Variants in CNIH3 observed in about 807,000 individuals in gnomAD.
CNIH3 encodes the protein protein cornichon homolog 3.
Under a neutral mutation model 24.1 loss-of-function variants are expected in CNIH3, and 14 were observed. The ratio of observed to expected loss-of-function variants is 0.58; its 90% CI spans 0.38 to 0.91. The LOEUF is 0.91. CNIH3 is among the 40% of genes least tolerant of loss of function. The pLI is 0.00. For synonymous variants in CNIH3, 68 were observed against 73.8 expected (o/e 0.92, Z 0.40); for missense variants, 178 against 196.8 (o/e 0.90, Z 0.57).
intron 3 of CNIH3, among the ~76,000 whole-genome samples, chr1:224,701,332 T>C (rs1184674857): frequency 6.6e-6 from 1 of 152,000 alleles, no homozygotes; most frequent in Non-Finnish European, 1.5e-5. Flanking sequence ...CTCTCACAGC[T>C]CTGGAGGCTG....
At chr1:224,445,964 A>T (rs575865403) in intron 1 of CNIH3, among the ~76,000 whole-genome samples, 2 of 152,154 alleles carry the variant, frequency 1.3e-5, no homozygotes, top group Admixed American at 1.3e-4. Context: ...TTGTTTTTCC[A>T]TGTGAATGTC....
intron 1 of CNIH3, among the ~76,000 whole-genome samples, chr1:224,631,719 A>G (rs1683828683): frequency 6.6e-6 from 1 of 152,126 alleles, no homozygotes; most frequent in Non-Finnish European, 1.5e-5. Flanking sequence ...AGTCTTAGGT[A>G]TATTTTCTGG....
upstream of CNIH3, among the ~76,000 whole-genome samples, chr1:224,515,496 T>C (rs1016413615): frequency 3.3e-5 from 5 of 152,240 alleles, no homozygotes; most frequent in African/African-American, 9.6e-5. Context: ...TTTCAAAGAC[T>C]CTTTTGGTAA....
At chr1:224,645,491 G>A (rs544140926) in intron 1 of CNIH3, among the ~76,000 whole-genome samples, 35 of 152,378 alleles carry the variant, frequency 2.3e-4, no homozygotes, top group East Asian at 5.8e-4. Flanking sequence ...GGTGCCGAGC[G>A]TTTCCAGCCC....
At chr1:224,567,047 A>G (rs905665813) in intron 4 of CNIH3, among the ~76,000 whole-genome samples, 3 of 152,180 alleles carry the variant, frequency 2.0e-5, no homozygotes, top group Non-Finnish European at 2.9e-5. Context: ...CTGACTTTGT[A>G]ATGATCGCCA....
At chr1:224,575,983 A>C (rs1244509571) in intron 4 of CNIH3, among the ~76,000 whole-genome samples, 1 of 152,210 alleles carries the variant, frequency 6.6e-6, no homozygotes, top group Non-Finnish European at 1.5e-5. Flanking sequence ...TATGGATCTT[A>C]CAGCATCCAA....
At chr1:224,677,882 T>C (rs1436860744) in intron 1 of CNIH3, among the ~76,000 whole-genome samples, 1 of 152,210 alleles carries the variant, frequency 6.6e-6, no homozygotes, top group Non-Finnish European at 1.5e-5. Flanking sequence ...CTAACAGTTG[T>C]GGAGTTCTGC....
chr1:224,670,780 G>A (rs2405516), intron 1 of CNIH3, among the ~76,000 whole-genome samples: 15,629 of 152,274 alleles, frequency 0.1, 1,019 homozygotes, highest in East Asian at 0.23. Context: ...CCACTGGCCA[G>A]GGCCCAGCCT....
chr1:224,531,749 T>C (rs905293743), intron 2 of CNIH3, among the ~76,000 whole-genome samples: 4 of 152,200 alleles, frequency 2.6e-5, no homozygotes, highest in African/African-American at 9.6e-5. Context: ...TCTGGACCCA[T>C]CTGTGAGACA....
rs570562166 is a variant in CNIH3 at position 224,670,522 on chromosome 1, CAA to C, written c.82-10435_82-10434del. Among the ~76,000 whole-genome samples the C allele has an allele frequency of 2.3e-4, 35 of 152,336 alleles. No homozygotes were observed. In the East Asian group the frequency reaches 6.8e-3, roughly 29 times the overall value. On this transcript the variant is annotated intron_variant, in intron 1 of 5. Coordinates refer to ENST00000272133, the MANE Select transcript of CNIH3 (RefSeq NM_152495.2). Reference sequence around the variant, plus strand: ...ATGAGGGTGGACACTGCTCTTGAGACAATGATAAGCTACCCTGTGCAGGCTCT... The same window carrying C: ...ATGAGGGTGGACACTGCTCTTGAGACTGATAAGCTACCCTGTGCAGGCTCT...
At chr1:224,598,637 C>T (rs189616818) in intron 3 of CNIH3, among the ~76,000 whole-genome samples, 1,587 of 152,318 alleles carry the variant, frequency 0.01, 8 homozygotes, top group Non-Finnish European at 0.015. Context: ...CCACCCCAAC[C>T]TTCAGCAACC....
intron 1 of CNIH3, among the ~76,000 whole-genome samples, chr1:224,490,315 G>A (rs570761973): frequency 6.6e-6 from 1 of 152,312 alleles, no homozygotes; most frequent in African/African-American, 2.4e-5. Flanking sequence ...AGATGTTTTT[G>A]TTAGGGAGTC....
At chr1:224,506,285 G>GTA (rs150433630) in intron 1 of CNIH3, among the ~76,000 whole-genome samples, 1 of 143,616 alleles carries the variant, frequency 7.0e-6, no homozygotes, top group Non-Finnish European at 1.5e-5. Context: ...GCGCGCGCGC[G>GTA]CGCACACACA....
chr1:224,515,170 G>A (rs1678328871), upstream of CNIH3, among the ~76,000 whole-genome samples: 1 of 152,208 alleles, frequency 6.6e-6, no homozygotes, highest in South Asian at 2.1e-4. Context: ...AGGAGGGTCT[G>A]GGCGGGGGTC....
chr1:224,484,139 C>T (rs1162447263), intron 1 of CNIH3, among the ~76,000 whole-genome samples: 6 of 147,932 alleles, frequency 4.1e-5, no homozygotes, highest in African/African-American at 1.5e-4. Context: ...CCATTGCACT[C>T]TAGCCTGGGC....
At position 224,616,325 on chromosome 1, in the gene CNIH3, A is replaced by C; in HGVS notation, c.-850A>C. On this transcript the variant is annotated 5_prime_UTR_variant, in exon 1 of 6. Coordinates refer to ENST00000272133, the MANE Select transcript of CNIH3 (RefSeq NM_152495.2). ...GCACCGCTACAGTTCTCGCAGTGGC[A>C]AAGGCGGCGGCGGCGGCGGCGGCAG... is the stretch of plus-strand genomic sequence containing the variant. 1 of 361,872 alleles carries C rather than the reference A, an allele frequency of 2.8e-6. No homozygotes were observed. Among genetic ancestry groups the C allele is most frequent in the Non-Finnish European group, 4.2e-6 (1 of 240,652 alleles). The allele number at this position is 361,872 out of a possible 1,614,324, so 22.4% of individuals were successfully genotyped here.
At chr1:224,526,944 A>G (rs1678870266) in intron 2 of CNIH3, among the ~76,000 whole-genome samples, 2 of 152,032 alleles carry the variant, frequency 1.3e-5, no homozygotes, top group African/African-American at 2.4e-5. Flanking sequence ...ATGAGAACTC[A>G]CTCACTATCA....
At chr1:224,597,174 C>CAA (rs71725215) in intron 3 of CNIH3, among the ~76,000 whole-genome samples, 6 of 146,886 alleles carry the variant, frequency 4.1e-5, no homozygotes, top group Admixed American at 3.4e-4. Context: ...AACAAACAAA[C>CAA]AAAAAAAAAA....
intron 3 of CNIH3, among the ~76,000 whole-genome samples, chr1:224,600,612 C>T (rs550304004): frequency 8.5e-5 from 13 of 152,332 alleles, no homozygotes; most frequent in African/African-American, 2.6e-4. Context: ...TGGCCTCAAG[C>T]GATCCCCCGA....
Sources: gnomAD v4.1 joint callset for allele counts (sites outside exome capture counted in the v4.1 genomes callset) on GRCh38, gnomAD v4.1.1 for gene constraint, MANE v1.5 for transcripts, NCBI Gene and HGNC (gene_info 2026-07-23, HGNC 2026-07-21) for gene names.